Variants in KLF12 observed in about 807,000 individuals in gnomAD.
The protein encoded by KLF12 is Krueppel-like factor 12.
In KLF12, 9 loss-of-function variants were observed where a neutral mutation model predicts 37.8. The observed-to-expected ratio is 0.24, with a 90% confidence interval of 0.14 to 0.42. The LOEUF (loss-of-function observed/expected upper bound fraction) is 0.42. KLF12 is among the 10% of genes least tolerant of loss of function. The pLI is 1.00. For synonymous variants in KLF12, 208 were observed against 202.1 expected (o/e 1.03, Z -0.25); for missense variants, 411 against 516.0 (o/e 0.80, Z 1.97).
chr13:74,194,995 G>A, the KLF12 span, among the ~76,000 whole-genome samples: 2 of 152,170 alleles, frequency 1.3e-5, no homozygotes, highest in Non-Finnish European at 2.9e-5. Flanking sequence ...CTTCTTAGGT[G>A]AATTAGCTTA....
chr13:73,964,318 T>C (rs1328431296), intron 2 of KLF12, among the ~76,000 whole-genome samples: 1 of 152,202 alleles, frequency 6.6e-6, no homozygotes, highest in Non-Finnish European at 1.5e-5. Flanking sequence ...AGCATCTTAC[T>C]GGCTCCTACC....
chr13:74,219,484 G>A, the KLF12 span, among the ~76,000 whole-genome samples: 5 of 152,132 alleles, frequency 3.3e-5, no homozygotes, highest in South Asian at 4.1e-4. Flanking sequence ...GAAAAAATAA[G>A]CAATTCATAT....
rs748059676 is a variant in KLF12, at chr13:73,813,307, A to G, written c.671-20T>C. The G allele has an allele frequency of 6.2e-7, 1 of 1,613,526 alleles. No individual in the cohort carries two copies. The highest frequency in any genetic ancestry group is 8.5e-7 in the Non-Finnish European group (1 of 1,179,626). ...TTTGTGCTGGAGAGAAAAGGCATAT[A>G]TAATGAATTAAAATCAGTGCGCAGA... On this transcript the variant is annotated intron_variant, in intron 4 of 7. Coordinates refer to ENST00000377669, the MANE Select transcript of KLF12 (RefSeq NM_007249.5).
At chr13:73,753,911 A>C (rs1440480657) in intron 6 of KLF12, among the ~76,000 whole-genome samples, 1 of 152,120 alleles carries the variant, frequency 6.6e-6, no homozygotes, top group African/African-American at 2.4e-5. Flanking sequence ...CCTTTCTAAA[A>C]GGTGTTGCTT....
the KLF12 span, among the ~76,000 whole-genome samples, chr13:74,188,753 T>C: frequency 6.6e-6 from 1 of 152,178 alleles, no homozygotes; most frequent in African/African-American, 2.4e-5. Context: ...CTCAGCACTT[T>C]GGAAGGCCGA....
intron 5 of KLF12, among the ~76,000 whole-genome samples, chr13:73,805,832 T>C (rs916430673): frequency 6.6e-6 from 1 of 152,092 alleles, no homozygotes; most frequent in African/African-American, 2.4e-5. Flanking sequence ...TGAGATGGAG[T>C]CTTGCTCTGT....
the KLF12 span, among the ~76,000 whole-genome samples, chr13:74,190,085 A>G: frequency 1.3e-5 from 2 of 152,206 alleles, no homozygotes; most frequent in Non-Finnish European, 2.9e-5. Flanking sequence ...GCTTGAGAGT[A>G]TATTTTTAGT....
At chr13:74,214,578 C>T in the KLF12 span, among the ~76,000 whole-genome samples, 8 of 151,998 alleles carry the variant, frequency 5.3e-5, no homozygotes, top group Non-Finnish European at 1.0e-4. Context: ...AATGTGAAGG[C>T]GTTGCATTAT....
the KLF12 span, among the ~76,000 whole-genome samples, chr13:74,156,971 A>G: frequency 6.6e-6 from 1 of 152,144 alleles, no homozygotes; most frequent in South Asian, 2.1e-4. Flanking sequence ...GAAATTTGAC[A>G]GAGACACTTT....
intron 5 of KLF12, among the ~76,000 whole-genome samples, chr13:73,775,325 T>C (rs1335485681): frequency 2.6e-5 from 4 of 152,092 alleles, no homozygotes; most frequent in Admixed American, 6.6e-5. Flanking sequence ...TGAAGAGTGG[T>C]AGAAAGAAAA....
rs529386437 is a variant in KLF12, at chr13:73,879,406, T to C, written c.124-33033A>G. Among the ~76,000 whole-genome samples, 22 of 152,270 alleles carry C rather than the reference T, an allele frequency of 1.4e-4. No individual in the cohort carries two copies. The South Asian group carries it at 4.6e-3, about 32-fold the overall frequency. On this transcript the variant is annotated intron_variant, in intron 3 of 7. Coordinates refer to ENST00000377669, the MANE Select transcript of KLF12 (RefSeq NM_007249.5). The stretch of plus-strand genomic sequence containing the variant: ...CAACGTTATGAATGTGACATAAAAT[T>C]TGAGTCACAAAAAGAAAACATAACA...
At chr13:73,764,481 A>T (rs924022772) in intron 6 of KLF12, among the ~76,000 whole-genome samples, 51 of 149,964 alleles carry the variant, frequency 3.4e-4, no homozygotes, top group Middle Eastern at 3.5e-3. Flanking sequence ...CCAAATTAAA[A>T]AAAAAAAAAA....
chr13:74,267,153 T>C, the KLF12 span, among the ~76,000 whole-genome samples: 1 of 152,150 alleles, frequency 6.6e-6, no homozygotes. Context: ...TGAATGATGG[T>C]CCCCAAAAGA....
At chr13:74,261,666 GA>G in the KLF12 span, among the ~76,000 whole-genome samples, 1 of 152,288 alleles carries the variant, frequency 6.6e-6, no homozygotes, top group East Asian at 1.9e-4. Context: ...ATTTTCTACA[GA>G]CATTTCAAAT....
chr13:74,254,835 T>C, the KLF12 span, among the ~76,000 whole-genome samples: 1 of 152,200 alleles, frequency 6.6e-6, no homozygotes, highest in Non-Finnish European at 1.5e-5. Flanking sequence ...TGTTTGTCCC[T>C]TAGTTATTAA....
intron 4 of KLF12, among the ~76,000 whole-genome samples, chr13:73,818,922 T>TA (rs1883379700): frequency 1.3e-5 from 2 of 152,196 alleles, no homozygotes; most frequent in East Asian, 3.9e-4. Flanking sequence ...ATGTCCCAGT[T>TA]AGAGAAACCC....
intron 7 of KLF12, among the ~76,000 whole-genome samples, chr13:73,698,940 C>T (rs961663054): frequency 1.3e-5 from 2 of 152,090 alleles, no homozygotes; most frequent in Non-Finnish European, 2.9e-5. Context: ...AGTTACAGTT[C>T]AATCACTTAA....
the KLF12 span, among the ~76,000 whole-genome samples, chr13:74,148,611 C>T: frequency 2.6e-5 from 4 of 152,008 alleles, no homozygotes; most frequent in African/African-American, 9.6e-5. Context: ...TAAGCAGCAC[C>T]TGGCACTGAT....
chr13:74,112,927 T>G (rs563949833), intron 1 of KLF12, among the ~76,000 whole-genome samples: 1 of 151,976 alleles, frequency 6.6e-6, no homozygotes, highest in Non-Finnish European at 1.5e-5. Flanking sequence ...CAGAAGAAAA[T>G]TGAAAGTGTT....
Sources: allele counts gnomAD v4.1 joint callset (sites outside exome capture counted in the v4.1 genomes callset), GRCh38; gene constraint gnomAD v4.1.1; transcripts MANE v1.5; gene names NCBI Gene and HGNC (gene_info 2026-07-23, HGNC 2026-07-21).